Variants in UNC5A observed in about 807,000 individuals in gnomAD.
UNC5A encodes netrin receptor UNC5A.
UNC5A carries 20 observed loss-of-function variants against 87.4 expected under a neutral mutation model. That is an observed-to-expected ratio of 0.23 (90% CI 0.16 to 0.33). The LOEUF is 0.33. Among genes scored for constraint, UNC5A ranks in the 10% least tolerant of loss-of-function variants. The probability of loss-of-function intolerance (pLI) is 1.00; values close to 1 mark genes in which losing one functional copy is unlikely to be tolerated. For synonymous variants in UNC5A, 438 were observed against 482.3 expected, an observed-to-expected ratio of 0.91 and a Z score of 1.20; for missense variants, 844 against 1,133.4, an observed-to-expected ratio of 0.74 and a Z score of 3.67.
Position 176,879,969 on chromosome 5 carries a change from C to G in UNC5A, c.*83C>G. On this transcript the variant is annotated 3_prime_UTR_variant, in exon 15 of 15. Coordinates refer to ENST00000329542, the MANE Select transcript of UNC5A (RefSeq NM_133369.3). ...CAGAAGCCGGACAGGGGCCCTTCCC[C>G]ACACCGGGGAGAGCTGCTCGGACAG... is the stretch of plus-strand genomic sequence containing the variant. 1 of 1,492,364 alleles carries G rather than the reference C, an allele frequency of 6.7e-7. No individual in the cohort carries two copies. Among genetic ancestry groups the G allele is most frequent in the South Asian group, 1.3e-5 (1 of 77,220 alleles). 92.4% of individuals were successfully genotyped at this position (1,492,364 alleles called of 1,614,324 possible). A position where few individuals can be genotyped will look rare whatever the true frequency, so the allele number is the denominator to read the frequency against.
chr5:176,824,024 G>A lies in UNC5A; in HGVS notation c.70+13204G>A, dbSNP rs1471490709. Among the ~76,000 whole-genome samples the A allele has an allele frequency of 6.6e-6, 1 of 152,250 alleles. No individual in the cohort carries two copies. Among genetic ancestry groups the A allele is most frequent in the Non-Finnish European group, 1.5e-5 (1 of 68,052 alleles). On this transcript the variant is annotated intron_variant, in intron 1 of 14. Coordinates refer to ENST00000329542, the MANE Select transcript of UNC5A (RefSeq NM_133369.3). The surrounding 1 kb of genome is among the most constrained non-coding windows in gnomAD (Gnocchi z 4.2). ...CTCCCTGGAGAAAGCACCTGTCCCA[G>A]CTGGCGAATGGTCCCGGAGATCCTG...
rs377425771 is a variant in UNC5A at position 176,874,591 on chromosome 5, G to A, written c.1378+25G>A. ...GGTAGGAAGGACCCCAGGGGGCTCT[G>A]AGAGCTCCACTTCCCTCCTGGAGGA... On this transcript the variant is annotated intron_variant, in intron 8 of 14. Transcript: ENST00000329542. The surrounding 1 kb of genome is among the most constrained non-coding windows in gnomAD (Gnocchi z 7.6). 194 of 1,503,300 alleles carry A rather than the reference G, an allele frequency of 1.3e-4. No individual in the cohort carries two copies. In the African/African-American group the frequency reaches 2.3e-3, roughly 18 times the overall value. The allele number at this position is 1,503,300 out of a possible 1,614,324, so 93.1% of individuals were successfully genotyped here. A position where few individuals can be genotyped will look rare whatever the true frequency, so the allele number is the denominator to read the frequency against.
chr5:176,831,158 G>A (rs1320567034), intron 1 of UNC5A, among the ~76,000 whole-genome samples: 4 of 152,010 alleles, frequency 2.6e-5, no homozygotes, highest in African/African-American at 7.3e-5. Flanking sequence ...AGCTTTTATC[G>A]TTCTGCAGAA....
chr5:176,870,216 G>T (rs569018333), intron 5 of UNC5A, among the ~76,000 whole-genome samples, 154 bp from the exon 6 acceptor site: 1 of 152,180 alleles, frequency 6.6e-6, no homozygotes, highest in African/African-American at 2.4e-5. Flanking sequence ...GACACTAGAG[G>T]GCGTGCATCG....
At chr5:176,860,502 T>G (rs1032785661) in intron 1 of UNC5A, among the ~76,000 whole-genome samples, 8 of 152,216 alleles carry the variant, frequency 5.3e-5, no homozygotes, top group African/African-American at 1.9e-4. Flanking sequence ...GTCCCACGTC[T>G]GGGTCAGGGC....
intron 8 of UNC5A, 36 bp from the exon 9 acceptor site, chr5:176,877,156 A>G (rs1758281536): frequency 6.5e-7 from 1 of 1,538,012 alleles, no homozygotes; most frequent in Non-Finnish European, 9.0e-7. Context: ...GTGCTTTGGC[A>G]GTGGGTAAGC....
chr5:176,852,900 T>C (rs940204552), intron 1 of UNC5A, among the ~76,000 whole-genome samples: 21 of 152,370 alleles, frequency 1.4e-4, no homozygotes, highest in Admixed American at 1.2e-3. Context: ...GATGTGGTCC[T>C]GCTGTTGTGA....
Position 176,855,980 on chromosome 5 carries a change from C to T in UNC5A, c.71-6644C>T, listed in dbSNP as rs550004915. Among the ~76,000 whole-genome samples the T allele has an allele frequency of 4.6e-5, 7 of 152,260 alleles. No homozygotes were observed. The East Asian group carries it at 1.4e-3, about 29-fold the overall frequency. ...GCCGTGTGGTCTGCAGGGCGGACGG[C>T]GCCCGCCACCAGGCCGCTGGGAGGA... On this transcript the variant is annotated intron_variant, in intron 1 of 14. Transcript: ENST00000329542.
chr5:176,868,661 C>T lies in UNC5A; in HGVS notation c.537C>T (p.Ala179=), dbSNP rs373056438. 1.4e-5 allele frequency: 22 copies of T among 1,603,376 alleles called. No homozygotes were observed. Among genetic ancestry groups the T allele is most frequent in the South Asian group, 5.5e-5 (5 of 90,150 alleles). The change falls in exon 4 of 15, where the codon GCC becomes GCT. Residue 179 remains alanine, a synonymous_variant. Transcript: ENST00000329542. The part of the protein sequence containing the change: ...PCRPPEGIPP[A]EVEWLRNEDL... Reference sequence around the variant, plus strand: ...GTCCACCGGAGGGCATCCCTCCAGCCGAGGTGAGGGCTCCTCTAGTGCCCA... The same window carrying T: ...GTCCACCGGAGGGCATCCCTCCAGCTGAGGTGAGGGCTCCTCTAGTGCCCA...
chr5:176,832,423 C>A (rs1043605071), intron 1 of UNC5A, among the ~76,000 whole-genome samples: 4 of 152,210 alleles, frequency 2.6e-5, no homozygotes, highest in Admixed American at 2.0e-4. Flanking sequence ...CGTAGTAATT[C>A]TTTTTGCTTC....
At chr5:176,850,945 G>A (rs937231708) in intron 1 of UNC5A, among the ~76,000 whole-genome samples, 3 of 151,958 alleles carry the variant, frequency 2.0e-5, no homozygotes, top group Non-Finnish European at 4.4e-5. Flanking sequence ...GTGCTCCCAG[G>A]ACTTTCCAGT....
chr5:176,853,268 G>T (rs776613448), intron 1 of UNC5A, among the ~76,000 whole-genome samples: 26 of 152,368 alleles, frequency 1.7e-4, no homozygotes, highest in Non-Finnish European at 3.7e-4. Flanking sequence ...CACGTTCCTT[G>T]TCTGTACAAC....
rs563415660 is a variant in UNC5A, at chr5:176,869,057, C to T, written c.721+93C>T. On this transcript the variant is annotated intron_variant, in intron 5 of 14. Coordinates refer to ENST00000329542, the MANE Select transcript of UNC5A (RefSeq NM_133369.3). The surrounding 1 kb of genome is among the most constrained non-coding windows in gnomAD (Gnocchi z 9.1). ...GGTGGGGTGAAGAGAGGCCATGAGG[C>T]CAAAGCCAGGTGGACCAGATCGTGC... is the stretch of plus-strand genomic sequence containing the variant. 688 of 1,393,234 alleles carry T rather than the reference C, an allele frequency of 4.9e-4. No homozygotes were observed. The highest frequency in any genetic ancestry group is 6.2e-4 in the Non-Finnish European group (642 of 1,041,728). The allele number at this position is 1,393,234 out of a possible 1,614,324, so 86.3% of individuals were successfully genotyped here. A position where few individuals can be genotyped will look rare whatever the true frequency, so the allele number is the denominator to read the frequency against.
intron 1 of UNC5A, among the ~76,000 whole-genome samples, chr5:176,834,426 C>A (rs888247638): frequency 6.6e-6 from 1 of 152,182 alleles, no homozygotes; most frequent in Admixed American, 6.5e-5. Flanking sequence ...CCCCAGGGCC[C>A]AGGAGGGGCC....
chr5:176,835,289 C>T (rs1253492715), intron 1 of UNC5A, among the ~76,000 whole-genome samples: 1 of 152,212 alleles, frequency 6.6e-6, no homozygotes, highest in South Asian at 2.1e-4. Flanking sequence ...GAAAGCAGGC[C>T]CTGGGGGCTC....
At position 176,868,926 on chromosome 5, in the gene UNC5A, C is replaced by G. The variant is rs757963537; in HGVS notation, c.683C>G (p.Ala228Gly). The G allele has an allele frequency of 8.7e-6, 14 of 1,611,598 alleles. No individual in the cohort carries two copies. Among genetic ancestry groups the G allele is most frequent in the Non-Finnish European group, 1.2e-5 (14 of 1,179,284 alleles). ...ACCTGCGTGGCCAAGAACATCGTGGCACGTCGCCGCAGCGCCTCCGCTGCT... is the reference window on the plus strand; with the variant it reads ...ACCTGCGTGGCCAAGAACATCGTGGGACGTCGCCGCAGCGCCTCCGCTGCT... ...NYTCVAKNIV[A>G]RRRSASAAVI... Residue 228 changes from alanine (A) to glycine (G), a missense_variant, in exon 5 of 15, where the codon GCA becomes GGA. By Grantham distance (60) the Ala-to-Gly change is moderately conservative. Coordinates refer to ENST00000329542, the MANE Select transcript of UNC5A (RefSeq NM_133369.3).
At chr5:176,860,657 C>A (rs572450044) in intron 1 of UNC5A, among the ~76,000 whole-genome samples, 1 of 152,200 alleles carries the variant, frequency 6.6e-6, no homozygotes. Context: ...TCCCACCCCC[C>A]AGCGTCGCCT....
At position 176,875,024 on chromosome 5, in the gene UNC5A, C is replaced by T. The variant is rs1315961897; in HGVS notation, c.1378+458C>T. On this transcript the variant is annotated intron_variant, in intron 8 of 14. Transcript: ENST00000329542. The surrounding 1 kb of genome is among the most constrained non-coding windows in gnomAD (Gnocchi z 5.2). ...ATGGCTGCCTTGCAAGAAGTGGCTG[C>T]AGCCTCTGGCATGGCTGGCCACTCC... Among the ~76,000 whole-genome samples the T allele has an allele frequency of 1.3e-5, 2 of 152,190 alleles. No homozygotes were observed. The highest frequency in any genetic ancestry group is 1.9e-4 in the East Asian group (1 of 5,192).
At chr5:176,879,220 G>A (rs1758347305) in intron 13 of UNC5A, 90 bp from the exon 14 acceptor site, 2 of 1,448,324 alleles carry the variant, frequency 1.4e-6, no homozygotes, top group Middle Eastern at 2.4e-4. Context: ...CATGCTCTGG[G>A]GGAGTCTGGG....
Sources: allele counts gnomAD v4.1 joint callset (sites outside exome capture counted in the v4.1 genomes callset), GRCh38; gene constraint gnomAD v4.1.1; non-coding constraint Gnocchi (gnomAD v3.1); transcripts MANE v1.5; gene names NCBI Gene and HGNC (gene_info 2026-07-23, HGNC 2026-07-21).